Variants in RAB11FIP5 observed in about 807,000 individuals in gnomAD.
RAB11FIP5 encodes rab11 family-interacting protein 5.
A neutral mutation model predicts 85.1 loss-of-function variants in RAB11FIP5; 48 were observed. That is an observed-to-expected ratio of 0.56 (90% CI 0.45 to 0.72). RAB11FIP5 has a LOEUF of 0.72. Among genes scored for constraint, RAB11FIP5 ranks in the 30% least tolerant of loss-of-function variants. The pLI is 0.00. For missense variants in RAB11FIP5, 1,491 were observed against 1,687.0 expected (o/e 0.88, Z 2.04); for synonymous variants, 729 against 727.3 (o/e 1.00, Z -0.04).
chr2:73,088,901 GC>G lies in RAB11FIP5; in HGVS notation c.845del (p.Ser282ThrfsTer125). 1 of 1,584,404 alleles carries G rather than the reference GC, an allele frequency of 6.3e-7. No individual in the cohort carries two copies. The highest frequency in any genetic ancestry group is 8.6e-7 in the Non-Finnish European group (1 of 1,165,014). ...CACCCCCTTCAGTGGACAGCCAGCTGCTACGGCTTGGTGAGCGGGTGAGGAG... is the reference window on the plus strand; with the variant it reads ...CACCCCCTTCAGTGGACAGCCAGCTGTACGGCTTGGTGAGCGGGTGAGGAG... ...AELLTRSPSR[S>X]SWLSTEGGRD... On this transcript the variant is annotated frameshift_variant, in exon 2 of 6. Transcript: ENST00000486777. LOFTEE classifies it high-confidence loss of function.
chr2:73,080,159 C>T lies in RAB11FIP5; in HGVS notation c.3073G>A (p.Gly1025Arg). 1.5e-5 allele frequency: 18 copies of T among 1,232,162 alleles called. No homozygotes were observed. Among genetic ancestry groups the T allele is most frequent in the Non-Finnish European group, 1.8e-5 (18 of 988,010 alleles). The allele number at this position is 1,232,162 out of a possible 1,614,324, so 76.3% of individuals were successfully genotyped here. The change falls in exon 4 of 6, where the codon GGA becomes AGA. Residue 1025 changes from glycine (G) to arginine (R), a missense_variant. Around this residue, in one of 3 missense-constraint regions of RAB11FIP5, gnomAD observed 1,211 missense variants for 1,338.0 expected, o/e 0.91. Coordinates refer to ENST00000486777, the MANE Select transcript of RAB11FIP5 (RefSeq NM_001371272.1). ...SQHIWGTPEV[G>R]EGPEAPEAQG... ...GCCTCAGGAGCCTCAGGGCCTTCTC[C>T]AACCTCTGGAGTCCCCCAGATGTGC...
chr2:73,108,010 G>C (rs1402309795), intron 1 of RAB11FIP5, among the ~76,000 whole-genome samples: 2 of 152,166 alleles, frequency 1.3e-5, no homozygotes, highest in African/African-American at 4.8e-5. Context: ...AGGCTAATGG[G>C]ATGCATGTCC....
intron 1 of RAB11FIP5, among the ~76,000 whole-genome samples, chr2:73,105,787 G>A (rs998174265): frequency 2.0e-5 from 3 of 152,030 alleles, no homozygotes; most frequent in Non-Finnish European, 1.5e-5. Flanking sequence ...CTGGCCCTGT[G>A]CAGAGCAGGG....
Position 73,096,933 on chromosome 2 carries a change from C to A in RAB11FIP5, c.432-7618G>T, listed in dbSNP as rs184036428. Among the ~76,000 whole-genome samples the A allele has an allele frequency of 2.8e-3, 431 of 152,336 alleles. 2 individuals are homozygous for A. The highest frequency in any genetic ancestry group is 9.9e-3 in the African/African-American group (410 of 41,576). On this transcript the variant is annotated intron_variant, in intron 1 of 5. Transcript: ENST00000486777. ...CTCTCTGCCTGAGACACAGGCCAGA[C>A]CTTCTGGCCATGGTTCACTCACTCA...
In RAB11FIP5 at chr2:73,112,465, C is replaced by A. The variant is rs1436656425; in HGVS notation, c.313G>T (p.Ala105Ser). 2.7e-6 allele frequency: 4 copies of A among 1,487,138 alleles called. No individual in the cohort carries two copies. The highest frequency in any genetic ancestry group is 3.5e-6 in the Non-Finnish European group (4 of 1,128,510). 92.1% of individuals were successfully genotyped at this position (1,487,138 alleles called of 1,614,324 possible). Residue 105 changes from alanine to serine, a missense_variant, in exon 1 of 6, where the codon GCC becomes TCC. Physicochemically the swap from Ala to Ser is moderately conservative, Grantham distance 99. This residue lies in a region of RAB11FIP5 where 1,211 missense variants were observed against 1,338.0 expected (regional missense o/e 0.91). Coordinates refer to ENST00000486777, the MANE Select transcript of RAB11FIP5 (RefSeq NM_001371272.1). ...PAPWAASSAA[A>S]CELVLTTMHR... ...ATGGTGGTGAGCACCAGCTCGCAGG[C>A]GGCGGCGGAGCTCGCGGCCCAGGGC...
intron 3 of RAB11FIP5, among the ~76,000 whole-genome samples, chr2:73,085,203 C>T (rs1684068792): frequency 6.6e-6 from 1 of 152,152 alleles, no homozygotes. Flanking sequence ...CAGCACATTC[C>T]AGGCCCACAG....
Position 73,088,404 on chromosome 2 carries a change from T to C in RAB11FIP5, c.1214A>G (p.Glu405Gly), listed in dbSNP as rs760273170. 3 of 1,613,782 alleles carry C rather than the reference T, an allele frequency of 1.9e-6. No homozygotes were observed. Among genetic ancestry groups the C allele is most frequent in the Non-Finnish European group, 2.5e-6 (3 of 1,180,018 alleles). Residue 405 changes from glutamate to glycine, a missense_variant, in exon 3 of 6, where the codon GAG (glutamate) becomes GGG (glycine). By Grantham distance (98) the Glu-to-Gly change is moderately conservative (BLOSUM62 -2). Coordinates refer to ENST00000486777, the MANE Select transcript of RAB11FIP5 (RefSeq NM_001371272.1). Reference protein sequence around the residue: ...SSSEAVLGQEELSAQAKVLAP... With the variant: ...SSSEAVLGQEGLSAQAKVLAP... ...CAGGACTTTAGCCTGAGCACTCAGC[T>C]CCTCCTGTCCAAGCACTGCCTCTGA...
In RAB11FIP5 at chr2:73,076,013, C is replaced by G. The variant is rs757215050; in HGVS notation, c.3751G>C (p.Val1251Leu). 2 of 1,613,572 alleles carry G rather than the reference C, an allele frequency of 1.2e-6. No homozygotes were observed. Among genetic ancestry groups the G allele is most frequent in the Non-Finnish European group, 1.7e-6 (2 of 1,179,656 alleles). ...CTTACCTTCAGCCTTTTGGTGTCCA[C>G]CATCTGGCCAGCCTGGGGGGCCTGG... Reference protein sequence around the residue: ...VTQAPQAGQMVDTKRLKDSAV... With the variant: ...VTQAPQAGQMLDTKRLKDSAV... Residue 1251 changes from valine to leucine, a missense_variant, in exon 5 of 6, where the codon GTG (valine) becomes CTG (leucine). Val to Leu is a conservative substitution (Grantham distance 32, BLOSUM62 1). This residue lies in a region of RAB11FIP5 where 232 missense variants were observed against 259.1 expected (regional missense o/e 0.90). Coordinates refer to ENST00000486777, the MANE Select transcript of RAB11FIP5 (RefSeq NM_001371272.1).
At chr2:73,097,961 CCTA>C (rs57210695) in intron 1 of RAB11FIP5, among the ~76,000 whole-genome samples, 43,104 of 151,946 alleles carry the variant, frequency 0.28, 7,855 homozygotes, top group East Asian at 0.55. Context: ...TCAGTTAGCA[CCTA>C]CTGTGTGCTG....
chr2:73,079,294 C>G (rs946030085), intron 4 of RAB11FIP5, among the ~76,000 whole-genome samples: 2 of 152,080 alleles, frequency 1.3e-5, no homozygotes, highest in African/African-American at 4.8e-5. Context: ...AGCTCCCCTG[C>G]GGCTGAGTGC....
In RAB11FIP5 at chr2:73,081,382, G is replaced by A; in HGVS notation, c.1850C>T (p.Ala617Val). 2 of 1,232,698 alleles carry A rather than the reference G, an allele frequency of 1.6e-6. No individual in the cohort carries two copies. Among genetic ancestry groups the A allele is most frequent in the Non-Finnish European group, 2.0e-6 (2 of 988,292 alleles). The allele number at this position is 1,232,698 out of a possible 1,614,324, so 76.4% of individuals were successfully genotyped here. ...GGGAGCAGGTGAAGGAGAGTTTAGT[G>A]CTATGTCGGCTATGAGCTCCTCGAA... ...PFFEELIADI[A>V]LNSPSPAPSL... Residue 617 changes from alanine (A) to valine (V), a missense_variant, in exon 4 of 6, where the codon GCA (alanine) becomes GTA (valine). Ala to Val is a moderately conservative substitution (Grantham distance 64, BLOSUM62 0). Transcript: ENST00000486777. This position sits in a 1 kb window ranked among gnomAD's most constrained non-coding sequence, Gnocchi z 4.2.
rs1684144641 is a variant in RAB11FIP5, at chr2:73,088,679, C to T, written c.939G>A (p.Met313Ile). 4.3e-6 allele frequency: 7 copies of T among 1,613,056 alleles called. No homozygotes were observed. The highest frequency in any genetic ancestry group is 1.3e-5 in the African/African-American group (1 of 75,086). The change falls in exon 3 of 6, where the codon ATG (methionine) becomes ATA (isoleucine). Residue 313 changes from methionine to isoleucine, a missense_variant. Physicochemically the swap from Met to Ile is conservative, Grantham distance 10. Transcript: ENST00000486777. Reference sequence around the variant, plus strand: ...GAAGGGCCCGAGGAGGAGCCACTCGCATCTGGTTGGCCTCATCGCTGTAGG... The same window carrying T: ...GAAGGGCCCGAGGAGGAGCCACTCGTATCTGGTTGGCCTCATCGCTGTAGG... Reference protein sequence around the residue: ...KRTYSDEANQMRVAPPRALLD... With the variant: ...KRTYSDEANQIRVAPPRALLD...
intron 1 of RAB11FIP5, among the ~76,000 whole-genome samples, chr2:73,101,746 C>T (rs748281045): frequency 1.3e-5 from 2 of 152,124 alleles, no homozygotes; most frequent in Admixed American, 6.6e-5. Flanking sequence ...TCAGCCCACC[C>T]GCTCACCACC....
At chr2:73,103,187 C>G (rs1438089111) in intron 1 of RAB11FIP5, among the ~76,000 whole-genome samples, 1 of 152,152 alleles carries the variant, frequency 6.6e-6, no homozygotes, top group Non-Finnish European at 1.5e-5. Flanking sequence ...CAGGATACAG[C>G]CTCTTATCAG....
chr2:73,080,036 A>AG lies in RAB11FIP5; in HGVS notation c.3195dup (p.Phe1066LeufsTer39), dbSNP rs1277463586. 1 of 1,232,080 alleles carries AG rather than the reference A, an allele frequency of 8.1e-7. No homozygotes were observed. The highest frequency in any genetic ancestry group is 1.0e-6 in the Non-Finnish European group (1 of 988,068). The allele number at this position is 1,232,080 out of a possible 1,614,324, so 76.3% of individuals were successfully genotyped here. A position where few individuals can be genotyped will look rare whatever the true frequency, so the allele number is the denominator to read the frequency against. ...GGATCTCGGCTCCCCTGAAACAAGA[A>AG]GGGGTTCAAGGCATCTTCCTTGGAG... On this transcript the variant is annotated frameshift_variant, in exon 4 of 6. Transcript: ENST00000486777. LOFTEE classifies it high-confidence loss of function.
At chr2:73,111,094 G>T (rs912895879) in intron 1 of RAB11FIP5, among the ~76,000 whole-genome samples, 1 of 152,018 alleles carries the variant, frequency 6.6e-6, no homozygotes, top group African/African-American at 2.4e-5. Flanking sequence ...GGAAGGCGGG[G>T]AGCAGGCCAG....
Position 73,080,274 on chromosome 2 carries a change from C to T in RAB11FIP5, c.2958G>A (p.Val986=). Reference sequence around the variant, plus strand: ...CGGGTGCAGACAGGCAGGGCCCAGACACAGGGGGGCTGGCATCCTCCACTA... The same window carrying T: ...CGGGTGCAGACAGGCAGGGCCCAGATACAGGGGGGCTGGCATCCTCCACTA... ...EELVEDASPP[V]SGPCLSAPAS... The change falls in exon 4 of 6, where the codon GTG becomes GTA. Residue 986 remains valine, a synonymous_variant. Transcript: ENST00000486777. The T allele has an allele frequency of 2.4e-6, 3 of 1,232,998 alleles. No individual in the cohort carries two copies. The highest frequency in any genetic ancestry group is 3.0e-6 in the Non-Finnish European group (3 of 988,714). The allele number at this position is 1,232,998 out of a possible 1,614,324, so 76.4% of individuals were successfully genotyped here.
At position 73,076,245 on chromosome 2, in the gene RAB11FIP5, C is replaced by T. The variant is rs958538493; in HGVS notation, c.3582-63G>A. The T allele has an allele frequency of 1.5e-5, 21 of 1,432,470 alleles. No homozygotes were observed. In the African/African-American group the frequency reaches 2.5e-4, roughly 17 times the overall value. 88.7% of individuals were successfully genotyped at this position (1,432,470 alleles called of 1,614,324 possible). A position where few individuals can be genotyped will look rare whatever the true frequency, so the allele number is the denominator to read the frequency against. ...AGGGTGGCACGGGTCAAAGGTGGGG[C>T]TGCCTTCCCTGTGGAGCCTCCAGGT... On this transcript the variant is annotated intron_variant, in intron 4 of 5. Transcript: ENST00000486777.
chr2:73,097,328 C>T lies in RAB11FIP5; in HGVS notation c.432-8013G>A, dbSNP rs375376169. Among the ~76,000 whole-genome samples, 4 of 152,312 alleles carry T rather than the reference C, an allele frequency of 2.6e-5. No individual in the cohort carries two copies. In the South Asian group the frequency reaches 6.2e-4, roughly 24 times the overall value. ...CTGAGATTACAGGCGTGAGCCACCA[C>T]GCCCGGCCCCCCTCACCCTCTTTCA... On this transcript the variant is annotated intron_variant, in intron 1 of 5. Coordinates refer to ENST00000486777, the MANE Select transcript of RAB11FIP5 (RefSeq NM_001371272.1).
Sources: gnomAD v4.1 joint callset for allele counts (sites outside exome capture counted in the v4.1 genomes callset) on GRCh38, gnomAD v4.1.1 for gene constraint, gnomAD v4.1.1 regional missense constraint, Gnocchi (gnomAD v3.1) non-coding constraint, MANE v1.5 for transcripts, NCBI Gene and HGNC (gene_info 2026-07-23, HGNC 2026-07-21) for gene names.